The following MAPK10 variants were observed in gnomAD, a reference collection of about 807,000 sequenced individuals.
MAPK10 encodes the protein mitogen-activated protein kinase 10.
In MAPK10, 25 loss-of-function variants were observed where a neutral mutation model predicts 59.3. The observed-to-expected ratio is 0.42, with a 90% CI of 0.31 to 0.59. The LOEUF is 0.59. MAPK10 is among the 20% of genes least tolerant of loss of function. The pLI is 0.15. For missense variants in MAPK10, 351 were observed against 568.9 expected (o/e 0.62, Z 3.90); for synonymous variants, 190 against 200.5 (o/e 0.95, Z 0.44).
intron 2 of MAPK10, among the ~76,000 whole-genome samples, chr4:86,211,304 G>C (rs1016763742): frequency 5.3e-5 from 8 of 151,916 alleles, no homozygotes; most frequent in Non-Finnish European, 1.2e-4. Flanking sequence ...GAAAGCCAAA[G>C]ACAAAGAGAG....
chr4:86,129,134 G>T (rs1286186882), intron 4 of MAPK10, among the ~76,000 whole-genome samples: 1 of 152,116 alleles, frequency 6.6e-6, no homozygotes, highest in East Asian at 1.9e-4. Flanking sequence ...TTTCTGGACA[G>T]ATGTTAGCAT....
chr4:86,134,693 G>C (rs539804742), intron 4 of MAPK10, among the ~76,000 whole-genome samples: 1 of 152,166 alleles, frequency 6.6e-6, no homozygotes, highest in African/African-American at 2.4e-5. Flanking sequence ...CAAGATGGCC[G>C]AATAGGAACA....
In MAPK10 at chr4:86,111,850, C is replaced by T. The variant is rs567996340; in HGVS notation, c.237-4498G>A. Reference sequence around the variant, plus strand: ...TGGTAGAATTCAGCTGTAAATCCATCTTGGCTTTTTTTGGTTGGTAGGCTA... The same window carrying T: ...TGGTAGAATTCAGCTGTAAATCCATTTTGGCTTTTTTTGGTTGGTAGGCTA... On this transcript the variant is annotated intron_variant, in intron 4 of 13. Coordinates refer to ENST00000641462, the MANE Select transcript of MAPK10 (RefSeq NM_138982.4). 1.1e-4 allele frequency among the ~76,000 whole-genome samples: 16 copies of T among 152,142 alleles called. 1 individual carries two copies. In the South Asian group the frequency reaches 3.1e-3, roughly 30 times the overall value.
intron 2 of MAPK10, chr4:86,308,740 G>C (rs1053191900): frequency 2.0e-5 from 3 of 152,118 alleles, no homozygotes; most frequent in Admixed American, 6.6e-5. Context: ...CTAGAAGAAA[G>C]ATTCCCAAAG....
At chr4:86,335,485 T>G (rs1383946576) in intron 2 of MAPK10, among the ~76,000 whole-genome samples, 1 of 152,102 alleles carries the variant, frequency 6.6e-6, no homozygotes, top group Non-Finnish European at 1.5e-5. Context: ...AAAAATACGG[T>G]TTTTTAAATA....
chr4:86,155,356 T>A (rs1250324142), intron 4 of MAPK10, among the ~76,000 whole-genome samples: 1 of 151,900 alleles, frequency 6.6e-6, no homozygotes, highest in African/African-American at 2.4e-5. Flanking sequence ...AAAAGATATA[T>A]ATCCTATCAT....
chr4:86,574,051 C>T (rs1018521657), intron 1 of MAPK10, among the ~76,000 whole-genome samples: 1 of 152,120 alleles, frequency 6.6e-6, no homozygotes, highest in African/African-American at 2.4e-5. Context: ...GCTATCCTTC[C>T]ACCCTCCCTC....
In MAPK10 at chr4:86,556,628, C is replaced by T. The variant is rs529965431; in HGVS notation, c.-263+37282G>A. 3.5e-4 allele frequency among the ~76,000 whole-genome samples: 53 copies of T among 151,956 alleles called. 1 individual carries two copies. Among genetic ancestry groups the T allele is most frequent in the African/African-American group, 1.2e-3 (51 of 41,464 alleles). ...AAGAAATAATACATAAAACAAATAC[C>T]AGAGAAAAGAGAAATATTTTTGTTT... On this transcript the variant is annotated intron_variant, in intron 1 of 4. Coordinates refer to the MAPK10 transcript ENST00000502302.
At chr4:86,484,992 T>C (rs1271538810) in intron 1 of MAPK10, among the ~76,000 whole-genome samples, 2 of 152,178 alleles carry the variant, frequency 1.3e-5, no homozygotes, top group Non-Finnish European at 2.9e-5. Context: ...TAAGTGGTTA[T>C]GTGTAGTAAG....
At chr4:86,579,775 G>T (rs973516204) in intron 1 of MAPK10, among the ~76,000 whole-genome samples, 4 of 151,948 alleles carry the variant, frequency 2.6e-5, no homozygotes, top group Non-Finnish European at 5.9e-5. Flanking sequence ...TACACTAAAA[G>T]AAAAATATTT....
At chr4:86,233,892 G>A (rs1379000528) in intron 2 of MAPK10, among the ~76,000 whole-genome samples, 3 of 152,018 alleles carry the variant, frequency 2.0e-5, no homozygotes, top group African/African-American at 4.8e-5. Context: ...CAAGGCGTGT[G>A]CCTTCCTTCT....
intron 9 of MAPK10, among the ~76,000 whole-genome samples, chr4:86,094,826 A>G (rs2053927287): frequency 6.6e-6 from 1 of 151,860 alleles, no homozygotes; most frequent in Non-Finnish European, 1.5e-5. Context: ...TTTGGACTAC[A>G]TAAAAAAAAA....
At chr4:86,583,154 G>A (rs1762419116) in intron 1 of MAPK10, among the ~76,000 whole-genome samples, 1 of 151,944 alleles carries the variant, frequency 6.6e-6, no homozygotes, top group African/African-American at 2.4e-5. Flanking sequence ...AGGTAGTACA[G>A]TTACCTAAGT....
intron 2 of MAPK10, among the ~76,000 whole-genome samples, chr4:86,310,249 G>A (rs964295214): frequency 7.9e-5 from 12 of 151,974 alleles, no homozygotes; most frequent in African/African-American, 4.8e-5. Flanking sequence ...GCCGTGCCCC[G>A]ACCACCTTGG....
At chr4:86,591,173 C>T (rs1043088028) in intron 1 of MAPK10, among the ~76,000 whole-genome samples, 2 of 152,158 alleles carry the variant, frequency 1.3e-5, no homozygotes, top group Non-Finnish European at 2.9e-5. Flanking sequence ...GCCCTCCTGC[C>T]TTGGCCTTCT....
At chr4:86,112,198 C>T (rs1377902154) in intron 4 of MAPK10, among the ~76,000 whole-genome samples, 1 of 141,430 alleles carries the variant, frequency 7.1e-6, no homozygotes, top group Non-Finnish European at 1.5e-5. Context: ...AAGGATTTTT[C>T]GTGTCTCTAT....
chr4:86,075,213 C>A lies in MAPK10; in HGVS notation c.803-7258G>T, dbSNP rs1040424215. On this transcript the variant is annotated intron_variant, in intron 9 of 13. Coordinates refer to ENST00000641462, the MANE Select transcript of MAPK10 (RefSeq NM_138982.4). ...GCTCCTGAGGCTTCTGCATTCCTCACATAGTTCTCGAGCCTTGGTTTTCAG... is the reference window on the plus strand; with the variant it reads ...GCTCCTGAGGCTTCTGCATTCCTCAAATAGTTCTCGAGCCTTGGTTTTCAG... 5.6e-3 allele frequency among the ~76,000 whole-genome samples: 856 copies of A among 152,328 alleles called. 10 individuals are homozygous for A. Among genetic ancestry groups the A allele is most frequent in the Admixed American group, 0.011 (174 of 15,308 alleles).
chr4:86,196,066 T>A (rs567247917), intron 2 of MAPK10, among the ~76,000 whole-genome samples: 189 of 152,330 alleles, frequency 1.2e-3, no homozygotes, highest in Non-Finnish European at 2.2e-3. Context: ...TGATTTATAA[T>A]CCTTTGGATA....
intron 11 of MAPK10, among the ~76,000 whole-genome samples, chr4:86,049,622 A>G (rs867874384): frequency 6.6e-6 from 1 of 152,048 alleles, no homozygotes. Flanking sequence ...CTTTAATAAC[A>G]TCCTATGTTT....
Sources: allele counts gnomAD v4.1 joint callset (sites outside exome capture counted in the v4.1 genomes callset), GRCh38; gene constraint gnomAD v4.1.1; transcripts MANE v1.5; gene names NCBI Gene and HGNC (gene_info 2026-07-23, HGNC 2026-07-21).